VOPP1: variants seen among roughly 807,000 people sequenced by gnomAD.
VOPP1 encodes the protein VOPP1 WW domain binding protein.
A neutral mutation model predicts 23.5 loss-of-function variants in VOPP1; 8 were observed. The ratio of observed to expected loss-of-function variants is 0.34; its 90% CI spans 0.20 to 0.61. The LOEUF is 0.61. Ranked by LOEUF, VOPP1 falls within the 20% of genes least tolerant of loss-of-function variation. The pLI, the probability that VOPP1 is intolerant of heterozygous loss-of-function variation, is 0.78. For synonymous variants in VOPP1, 83 were observed against 97.3 expected (o/e 0.85, Z 0.86); for missense variants, 174 against 238.1 (o/e 0.73, Z 1.77).
intron 2 of VOPP1, among the ~76,000 whole-genome samples, chr7:55,517,939 G>A (rs1467356877): frequency 6.6e-6 from 1 of 152,126 alleles, no homozygotes; most frequent in African/African-American, 2.4e-5. Context: ...GTGCTGGCTG[G>A]CCCCAAAAAA....
intron 1 of VOPP1, among the ~76,000 whole-genome samples, chr7:55,543,475 A>C (rs1345822057): frequency 6.6e-6 from 1 of 152,318 alleles, no homozygotes; most frequent in South Asian, 2.1e-4. Flanking sequence ...CCATATTCTT[A>C]GTTTTCTGAA....
At chr7:55,477,958 C>T (rs780031528) in intron 4 of VOPP1, among the ~76,000 whole-genome samples, 1 of 152,224 alleles carries the variant, frequency 6.6e-6, no homozygotes. Flanking sequence ...AGGCCGCACC[C>T]ACCCAGACAG....
intron 2 of VOPP1, among the ~76,000 whole-genome samples, chr7:55,517,258 T>A (rs1027487173): frequency 6.7e-6 from 1 of 148,902 alleles, no homozygotes; most frequent in African/African-American, 2.5e-5. Flanking sequence ...CTAATTTAAG[T>A]TTTTTTTTAA....
intron 2 of VOPP1, among the ~76,000 whole-genome samples, chr7:55,509,266 A>G (rs940632): frequency 0.22 from 33,375 of 152,064 alleles, 4,210 homozygotes; most frequent in African/African-American, 0.34. Context: ...GGCTGTTATA[A>G]TAAAATACCA....
At chr7:55,544,557 C>T (rs2129051897) in intron 1 of VOPP1, among the ~76,000 whole-genome samples, 1 of 152,308 alleles carries the variant, frequency 6.6e-6, no homozygotes, top group East Asian at 1.9e-4. Context: ...GTGCTGAAAA[C>T]TTCTTTTTGG....
At chr7:55,447,542 G>A (rs1284271453) in intron 4 of VOPP1, among the ~76,000 whole-genome samples, 3 of 152,210 alleles carry the variant, frequency 2.0e-5, no homozygotes, top group African/African-American at 7.2e-5. Flanking sequence ...AATTCAAGAG[G>A]AGGGCTGTCT....
chr7:55,465,909 C>T (rs1223557728), downstream of VOPP1, among the ~76,000 whole-genome samples: 1 of 152,204 alleles, frequency 6.6e-6, no homozygotes, highest in Non-Finnish European at 1.5e-5. Context: ...GCACTGAGAA[C>T]CGCTATGGAC....
rs990308670 is a variant in VOPP1 at position 55,556,855 on chromosome 7, G to A, written c.54+15416C>T. On this transcript the variant is annotated intron_variant, in intron 1 of 4. Transcript: ENST00000285279. ...AACTCCCCCTTCATTGCCCTGCTTC[G>A]CTTAGACCAGGTGAAAGAAAACCCA... Among the ~76,000 whole-genome samples the A allele has an allele frequency of 4.6e-5, 7 of 152,028 alleles. No individual in the cohort carries two copies. The East Asian group carries it at 7.7e-4, about 17-fold the overall frequency.
intron 1 of VOPP1, among the ~76,000 whole-genome samples, chr7:55,560,011 G>C (rs1797932735): frequency 1.3e-5 from 2 of 152,188 alleles, no homozygotes; most frequent in South Asian, 4.1e-4. Context: ...AAATTAGCTG[G>C]GGATGGTGGC....
At chr7:55,499,690 G>A (rs977702585) in intron 2 of VOPP1, among the ~76,000 whole-genome samples, 3 of 152,216 alleles carry the variant, frequency 2.0e-5, no homozygotes, top group African/African-American at 7.2e-5. Context: ...TCTGAAAAGA[G>A]AGCACGCAGG....
intron 1 of VOPP1, among the ~76,000 whole-genome samples, chr7:55,529,542 T>C (rs28642833): frequency 0.1 from 15,947 of 152,242 alleles, 1,001 homozygotes; most frequent in East Asian, 0.27. Context: ...CAATTCATGA[T>C]ACTTGAAGGA....
intron 4 of VOPP1, among the ~76,000 whole-genome samples, chr7:55,465,135 T>C (rs115918530): frequency 0.013 from 2,043 of 152,348 alleles, 52 homozygotes; most frequent in African/African-American, 0.044. Context: ...CCACTTGTTA[T>C]GTGATTGTTC....
At chr7:55,481,200 C>T (rs1272867269) in intron 4 of VOPP1, among the ~76,000 whole-genome samples, 2 of 152,228 alleles carry the variant, frequency 1.3e-5, no homozygotes, top group Non-Finnish European at 2.9e-5. Flanking sequence ...CAGGACAAGT[C>T]ACAGGCCAGT....
At chr7:55,538,761 G>C (rs1039028515) in intron 1 of VOPP1, 1 of 1,043,868 alleles carries the variant, frequency 9.6e-7, no homozygotes, top group South Asian at 1.6e-5. Flanking sequence ...CTTTCTAAGG[G>C]GAATGCTGTG....
intron 1 of VOPP1, among the ~76,000 whole-genome samples, chr7:55,532,071 A>G (rs1466713947): frequency 6.6e-6 from 1 of 152,268 alleles, no homozygotes; most frequent in Non-Finnish European, 1.5e-5. Context: ...ATTTTAGAAG[A>G]AAAGTGTGTT....
intron 4 of VOPP1, among the ~76,000 whole-genome samples, chr7:55,486,733 G>A (rs1793174886): frequency 1.3e-5 from 2 of 152,188 alleles, no homozygotes; most frequent in Admixed American, 1.3e-4. Flanking sequence ...TGAATAGATT[G>A]GCATTGGTGA....
chr7:55,537,627 C>G, intron 1 of VOPP1: 1 of 1,531,084 alleles, frequency 6.5e-7, no homozygotes, highest in East Asian at 2.5e-5. Context: ...ATACGGAGCA[C>G]ACATAAATAA....
At chr7:55,465,306 T>C (rs1246282748) in intron 4 of VOPP1, among the ~76,000 whole-genome samples, 1 of 152,240 alleles carries the variant, frequency 6.6e-6, no homozygotes, top group Non-Finnish European at 1.5e-5. Flanking sequence ...AAGAGGTGGT[T>C]GCCTAAGGTT....
chr7:55,480,008 TAAG>T (rs934647113), intron 4 of VOPP1, among the ~76,000 whole-genome samples: 3 of 152,230 alleles, frequency 2.0e-5, no homozygotes, highest in African/African-American at 4.8e-5. Context: ...GATCTTTTGT[TAAG>T]AAGATCATGG....
Sources: gnomAD v4.1 joint callset for allele counts (sites outside exome capture counted in the v4.1 genomes callset) on GRCh38, gnomAD v4.1.1 for gene constraint, MANE v1.5 for transcripts, NCBI Gene and HGNC (gene_info 2026-07-23, HGNC 2026-07-21) for gene names.